Variants in CPNE4 observed in about 807,000 individuals in gnomAD.
The protein encoded by CPNE4 is copine-4.
Under a neutral mutation model 67.9 loss-of-function variants are expected in CPNE4, and 25 were observed. That is an observed-to-expected ratio of 0.37 (90% CI 0.27 to 0.51). The LOEUF (loss-of-function observed/expected upper bound fraction) is 0.51. Among genes scored for constraint, CPNE4 ranks in the 20% least tolerant of loss-of-function variants. The pLI is 0.93. For missense variants in CPNE4, 464 were observed against 690.8 expected, an observed-to-expected ratio of 0.67 and a Z score of 3.68; for synonymous variants, 242 against 244.9, an observed-to-expected ratio of 0.99 and a Z score of 0.11.
chr3:131,552,391 T>G, intron 13 of CPNE4, 49 bp downstream of exon 13: 1 of 1,512,030 alleles, frequency 6.6e-7, no homozygotes. Context: ...ATGGGAAAGC[T>G]GCAAAGGGAA....
chr3:131,997,592 G>A (rs372375645), intron 1 of CPNE4, among the ~76,000 whole-genome samples: 5 of 152,120 alleles, frequency 3.3e-5, no homozygotes, highest in African/African-American at 4.8e-5. Flanking sequence ...GTAGGTTCAC[G>A]AATCCATTGG....
intron 2 of CPNE4, among the ~76,000 whole-genome samples, chr3:131,828,744 G>A (rs1190890727): frequency 3.9e-5 from 6 of 152,026 alleles, no homozygotes; most frequent in Admixed American, 3.9e-4. Context: ...GAGGTGAGAG[G>A]ATCACTTGAG....
Position 131,556,607 on chromosome 3 carries a change from G to T in CPNE4, c.1062-1056C>A, listed in dbSNP as rs548748943. ...GCCCCCTGCCCCACCATTTATTATA[G>T]AACTTGTCATGGAATGTGTGCTCAG... is the stretch of plus-strand genomic sequence containing the variant. On this transcript the variant is annotated intron_variant, in intron 11 of 15. Transcript: ENST00000429747. Among the ~76,000 whole-genome samples the T allele has an allele frequency of 1.2e-4, 18 of 151,862 alleles. No individual in the cohort carries two copies. In the East Asian group the frequency reaches 3.5e-3, roughly 30 times the overall value.
intron 2 of CPNE4, among the ~76,000 whole-genome samples, chr3:131,840,507 G>C (rs899487818): frequency 2.0e-5 from 3 of 152,126 alleles, no homozygotes; most frequent in African/African-American, 7.2e-5. Context: ...TCTAATCAAA[G>C]GACTGTCAAA....
chr3:131,781,887 G>C (rs1380365836), intron 2 of CPNE4, among the ~76,000 whole-genome samples: 1 of 152,066 alleles, frequency 6.6e-6, no homozygotes, highest in Non-Finnish European at 1.5e-5. Flanking sequence ...GCCCTACTGT[G>C]ACAATTTCTT....
chr3:131,838,835 A>G (rs1489654457), intron 2 of CPNE4, among the ~76,000 whole-genome samples: 1 of 151,848 alleles, frequency 6.6e-6, no homozygotes, highest in Non-Finnish European at 1.5e-5. Flanking sequence ...GTGTGTATAT[A>G]TATATATGCA....
At chr3:131,548,664 G>A (rs1454172841) in intron 14 of CPNE4, among the ~76,000 whole-genome samples, 5 of 152,022 alleles carry the variant, frequency 3.3e-5, no homozygotes. Context: ...GTGTGTTTGT[G>A]GAACAGCAAG....
intron 3 of CPNE4, 44 bp from the exon 4 acceptor site, chr3:131,700,024 G>C: frequency 2.6e-6 from 2 of 761,714 alleles, no homozygotes; most frequent in Non-Finnish European, 4.2e-6. Flanking sequence ...AGAGATACTA[G>C]TCATTTAACT....
chr3:131,647,513 A>G (rs573592303), intron 7 of CPNE4, among the ~76,000 whole-genome samples: 326 of 152,292 alleles, frequency 2.1e-3, no homozygotes, highest in Non-Finnish European at 3.9e-3. Context: ...CCTTTGCCCC[A>G]TCTAATTGTC....
At chr3:131,843,408 G>A (rs1418666318) in intron 2 of CPNE4, among the ~76,000 whole-genome samples, 1 of 152,024 alleles carries the variant, frequency 6.6e-6, no homozygotes, top group Admixed American at 6.5e-5. Flanking sequence ...CACACTACAG[G>A]GTACGTTGCT....
At chr3:131,734,413 G>A (rs2082192227) in intron 2 of CPNE4, among the ~76,000 whole-genome samples, 1 of 152,190 alleles carries the variant, frequency 6.6e-6, no homozygotes, top group Admixed American at 6.5e-5. Context: ...TGGAAATGTG[G>A]TGTTGGGAAC....
intron 2 of CPNE4, among the ~76,000 whole-genome samples, chr3:131,844,806 C>T (rs960931729): frequency 1.3e-5 from 2 of 152,160 alleles, no homozygotes; most frequent in Non-Finnish European, 2.9e-5. Context: ...ATATACATAG[C>T]CACATTGCAT....
At chr3:131,936,093 T>C (rs1408318564) in intron 1 of CPNE4, among the ~76,000 whole-genome samples, 3 of 151,832 alleles carry the variant, frequency 2.0e-5, no homozygotes, top group African/African-American at 7.3e-5. Flanking sequence ...ATCAACACTT[T>C]TGTTCTTCTC....
chr3:131,944,761 T>G (rs1346438311), intron 1 of CPNE4, among the ~76,000 whole-genome samples: 1 of 148,736 alleles, frequency 6.7e-6, no homozygotes, highest in Non-Finnish European at 1.5e-5. Flanking sequence ...AGATGAATAT[T>G]TCAGTGCTGG....
chr3:131,951,561 C>T (rs535659355), intron 1 of CPNE4, among the ~76,000 whole-genome samples: 1 of 149,074 alleles, frequency 6.7e-6, no homozygotes, highest in Non-Finnish European at 1.5e-5. Flanking sequence ...CTCTCCCTCT[C>T]TTTCCACGGT....
intron 1 of CPNE4, among the ~76,000 whole-genome samples, chr3:131,978,114 A>G (rs867585648): frequency 1.7e-5 from 1 of 59,692 alleles, no homozygotes; most frequent in South Asian, 3.8e-4. Flanking sequence ...TATATAAAAT[A>G]TATATAAATA....
At chr3:132,019,034 G>T (rs959466265) in intron 1 of CPNE4, among the ~76,000 whole-genome samples, 20 of 152,122 alleles carry the variant, frequency 1.3e-4, no homozygotes, top group African/African-American at 4.8e-4. Context: ...CTCTGCAGCT[G>T]TTAATCACTC....
At chr3:131,777,361 G>T (rs994715572) in intron 2 of CPNE4, among the ~76,000 whole-genome samples, 3 of 146,886 alleles carry the variant, frequency 2.0e-5, no homozygotes, top group Non-Finnish European at 3.0e-5. Context: ...TTGAATCAGA[G>T]AAAATAGCAT....
At chr3:131,799,994 T>G (rs2084045693) in intron 2 of CPNE4, among the ~76,000 whole-genome samples, 1 of 151,902 alleles carries the variant, frequency 6.6e-6, no homozygotes, top group South Asian at 2.1e-4. Context: ...CCTTTTCTTT[T>G]TCTTTTTAAT....
Sources: allele counts gnomAD v4.1 joint callset (sites outside exome capture counted in the v4.1 genomes callset), GRCh38; gene constraint gnomAD v4.1.1; transcripts MANE v1.5; gene names NCBI Gene and HGNC (gene_info 2026-07-23, HGNC 2026-07-21).